PLCB1: variants seen among roughly 807,000 people sequenced by gnomAD.
PLCB1 encodes 1-phosphatidylinositol 4,5-bisphosphate phosphodiesterase beta-1.
Under a neutral mutation model 161.8 loss-of-function variants are expected in PLCB1, and 46 were observed. The ratio of observed to expected loss-of-function variants is 0.28; its 90% CI spans 0.22 to 0.36. The LOEUF is 0.36. Ranked by LOEUF, PLCB1 falls within the 10% of genes least tolerant of loss-of-function variation. The pLI is 1.00. For missense variants in PLCB1, 1,016 were observed against 1,472.5 expected, an observed-to-expected ratio of 0.69 and a Z score of 5.07; for synonymous variants, 517 against 503.7, an observed-to-expected ratio of 1.03 and a Z score of -0.35.
chr20:8,481,233 A>C (rs370694570), intron 3 of PLCB1, among the ~76,000 whole-genome samples: 1 of 152,216 alleles, frequency 6.6e-6, no homozygotes, highest in East Asian at 1.9e-4. Flanking sequence ...AGGCAGACAA[A>C]AAAAACTTCA....
At chr20:8,448,077 C>T (rs537183922) in intron 3 of PLCB1, among the ~76,000 whole-genome samples, 94 of 152,326 alleles carry the variant, frequency 6.2e-4, no homozygotes, top group African/African-American at 2.2e-3. Flanking sequence ...GGGTGTCATA[C>T]AATAGTCTTC....
At chr20:8,558,073 A>G (rs1435919697) in intron 3 of PLCB1, among the ~76,000 whole-genome samples, 2 of 151,866 alleles carry the variant, frequency 1.3e-5, no homozygotes, top group Non-Finnish European at 2.9e-5. Context: ...GTACAAAAAC[A>G]TAGGAAAAAT....
chr20:8,172,685 G>A (rs916315346), intron 2 of PLCB1, among the ~76,000 whole-genome samples: 1 of 152,094 alleles, frequency 6.6e-6, no homozygotes, highest in African/African-American at 2.4e-5. Context: ...TATACAAGAT[G>A]GCCAGATTAG....
intron 3 of PLCB1, among the ~76,000 whole-genome samples, chr20:8,375,026 T>G (rs898172002): frequency 6.6e-6 from 1 of 152,220 alleles, no homozygotes; most frequent in Non-Finnish European, 1.5e-5. Context: ...TGTTTATGAA[T>G]TTAAATGTCA....
At chr20:8,146,164 G>T (rs1280340779) in intron 1 of PLCB1, among the ~76,000 whole-genome samples, 2 of 150,258 alleles carry the variant, frequency 1.3e-5, no homozygotes, top group African/African-American at 4.9e-5. Flanking sequence ...CAGATATTCA[G>T]CCTATCTGCA....
At chr20:8,423,054 A>G (rs1331401860) in intron 3 of PLCB1, among the ~76,000 whole-genome samples, 3 of 152,194 alleles carry the variant, frequency 2.0e-5, no homozygotes, top group East Asian at 1.9e-4. Context: ...AGTGACTCCA[A>G]TAAGCTAGCT....
chr20:8,626,197 A>AG, intron 3 of PLCB1, among the ~76,000 whole-genome samples: 1 of 146,406 alleles, frequency 6.8e-6, no homozygotes, highest in African/African-American at 2.6e-5. Flanking sequence ...AAAAAAAAAG[A>AG]AAAGATATAT....
chr20:8,403,448 A>G (rs1978649715), intron 3 of PLCB1, among the ~76,000 whole-genome samples: 1 of 152,214 alleles, frequency 6.6e-6, no homozygotes, highest in Non-Finnish European at 1.5e-5. Context: ...AAATGTAGTA[A>G]ATGATGTAAT....
At chr20:8,542,054 G>A (rs1171381908) in intron 3 of PLCB1, among the ~76,000 whole-genome samples, 1 of 152,216 alleles carries the variant, frequency 6.6e-6, no homozygotes, top group Non-Finnish European at 1.5e-5. Context: ...CATGAATTCA[G>A]ATGTTCATTC....
intron 24 of PLCB1, among the ~76,000 whole-genome samples, chr20:8,758,243 A>C (rs1022129076): frequency 1.3e-5 from 2 of 150,528 alleles, no homozygotes; most frequent in African/African-American, 4.9e-5. Context: ...AAAAAAAAAA[A>C]CCAATTATAT....
chr20:8,377,139 G>C lies in PLCB1; in HGVS notation c.246+5689G>C, dbSNP rs539842349. 2.9e-4 allele frequency among the ~76,000 whole-genome samples: 44 copies of C among 152,202 alleles called. No homozygotes were observed. In the South Asian group the frequency reaches 4.2e-3, roughly 14 times the overall value. On this transcript the variant is annotated intron_variant, in intron 3 of 31. Transcript: ENST00000338037. ...GGTAGGGGAAACAGATAACAGATAA[G>C]TCCCACTGAGAAGCATAAAGCGGGA...
intron 3 of PLCB1, among the ~76,000 whole-genome samples, chr20:8,514,485 C>A (rs1362309394): frequency 6.9e-6 from 1 of 145,968 alleles, no homozygotes; most frequent in Admixed American, 7.1e-5. Context: ...CCAGCCTGGG[C>A]AACATGGCAA....
chr20:8,200,520 A>G (rs565244157), intron 2 of PLCB1, among the ~76,000 whole-genome samples: 1 of 152,098 alleles, frequency 6.6e-6, no homozygotes, highest in South Asian at 2.1e-4. Flanking sequence ...CAGAGAATGA[A>G]ATTGTTTTAT....
chr20:8,495,595 C>T (rs1485381984), intron 3 of PLCB1, among the ~76,000 whole-genome samples: 1 of 151,780 alleles, frequency 6.6e-6, no homozygotes, highest in African/African-American at 2.4e-5. Context: ...GACGGGGTTT[C>T]ACCCTGTTAG....
At chr20:8,155,149 G>C (rs146716425) in intron 2 of PLCB1, among the ~76,000 whole-genome samples, 80 of 152,198 alleles carry the variant, frequency 5.3e-4, no homozygotes, top group African/African-American at 1.9e-3. Flanking sequence ...TGGACTGCTG[G>C]GTTCTGATTT....
chr20:8,298,649 T>A (rs1354421951), intron 2 of PLCB1, among the ~76,000 whole-genome samples: 1 of 152,092 alleles, frequency 6.6e-6, no homozygotes, highest in Non-Finnish European at 1.5e-5. Flanking sequence ...ATTATTCATC[T>A]GAATATTTAA....
chr20:8,746,210 G>C (rs888711859), intron 23 of PLCB1, among the ~76,000 whole-genome samples: 1 of 152,114 alleles, frequency 6.6e-6, no homozygotes, highest in Non-Finnish European at 1.5e-5. Context: ...GGGATTACAG[G>C]TATGAGCCAC....
At chr20:8,247,138 A>G (rs1980915311) in intron 2 of PLCB1, among the ~76,000 whole-genome samples, 1 of 151,900 alleles carries the variant, frequency 6.6e-6, no homozygotes, top group Non-Finnish European at 1.5e-5. Context: ...TCTCAATACT[A>G]TCAGTTCCCA....
chr20:8,180,764 C>T (rs1568580962), intron 2 of PLCB1, among the ~76,000 whole-genome samples: 1 of 152,102 alleles, frequency 6.6e-6, no homozygotes, highest in African/African-American at 2.4e-5. Flanking sequence ...ATGAGCCTAA[C>T]AGTCTTTAAC....
Sources: allele counts gnomAD v4.1 joint callset (sites outside exome capture counted in the v4.1 genomes callset), GRCh38; gene constraint gnomAD v4.1.1; transcripts MANE v1.5; gene names NCBI Gene and HGNC (gene_info 2026-07-23, HGNC 2026-07-21).